CDC42BPA: variants seen among roughly 807,000 people sequenced by gnomAD.
The protein encoded by CDC42BPA is CDC42 binding protein kinase alpha.
CDC42BPA carries 80 observed loss-of-function variants against 223.5 expected under a neutral mutation model. The ratio of observed to expected loss-of-function variants is 0.36; its 90% CI spans 0.30 to 0.43. The LOEUF (loss-of-function observed/expected upper bound fraction) is 0.43. Ranked by LOEUF, CDC42BPA falls within the 20% of genes least tolerant of loss-of-function variation. The probability of loss-of-function intolerance (pLI) is 1.00; values close to 1 mark genes in which losing one functional copy is unlikely to be tolerated. For missense variants in CDC42BPA, 1,743 were observed against 2,099.9 expected, an observed-to-expected ratio of 0.83 and a Z score of 3.32; for synonymous variants, 694 against 718.6, an observed-to-expected ratio of 0.97 and a Z score of 0.55.
At chr1:227,190,876 T>C (rs1669590493) in intron 5 of CDC42BPA, among the ~76,000 whole-genome samples, 2 of 151,888 alleles carry the variant, frequency 1.3e-5, no homozygotes, top group African/African-American at 4.8e-5. Flanking sequence ...GGGCAGAGTG[T>C]GTGGTGGGGG....
At chr1:227,053,770 A>G (rs527860564) in intron 21 of CDC42BPA, among the ~76,000 whole-genome samples, 450 of 152,306 alleles carry the variant, frequency 3.0e-3, no homozygotes, top group Admixed American at 5.0e-3. Context: ...CTCAAGACAC[A>G]TTTTGGCCCA....
At chr1:227,012,326 T>C (rs1175900605) in intron 34 of CDC42BPA, among the ~76,000 whole-genome samples, 2 of 152,166 alleles carry the variant, frequency 1.3e-5, no homozygotes, top group African/African-American at 2.4e-5. Context: ...CGGTAAATTA[T>C]TTTAAAAATT....
intron 5 of CDC42BPA, among the ~76,000 whole-genome samples, chr1:227,180,076 C>T (rs1667683547): frequency 6.6e-6 from 1 of 151,920 alleles, no homozygotes; most frequent in Non-Finnish European, 1.5e-5. Context: ...CATGGTGGCA[C>T]AAACCTGTAA....
chr1:227,183,340 AC>A (rs1174331363), intron 5 of CDC42BPA: 1 of 151,224 alleles, frequency 6.6e-6, no homozygotes. Context: ...ATTTCTACTT[AC>A]TCCCCCATTC....
At chr1:227,227,459 A>T (rs761787971) in intron 2 of CDC42BPA, among the ~76,000 whole-genome samples, 1 of 152,226 alleles carries the variant, frequency 6.6e-6, no homozygotes, top group Non-Finnish European at 1.5e-5. Context: ...TGAAAAAACA[A>T]AAACTTCAAC....
chr1:227,078,010 C>T (rs1405613958), intron 17 of CDC42BPA, among the ~76,000 whole-genome samples: 1 of 152,084 alleles, frequency 6.6e-6, no homozygotes, highest in Non-Finnish European at 1.5e-5. Context: ...TAATTAACAC[C>T]ATTACCTTTG....
At chr1:227,242,436 A>G (rs1484191925) in intron 2 of CDC42BPA, among the ~76,000 whole-genome samples, 5 of 152,116 alleles carry the variant, frequency 3.3e-5, no homozygotes, top group Non-Finnish European at 5.9e-5. Flanking sequence ...AAAAAGAAAT[A>G]AAAGGAATAA....
At chr1:227,152,326 T>A (rs746838383) in intron 6 of CDC42BPA, among the ~76,000 whole-genome samples, 24 of 152,202 alleles carry the variant, frequency 1.6e-4, no homozygotes, top group Non-Finnish European at 2.8e-4. Context: ...GTATCCCTTC[T>A]ATTTTTTTTC....
rs1668769042 is a variant in CDC42BPA at position 227,029,070 on chromosome 1, G to A, written c.4019C>T (p.Thr1340Ile). 1 of 1,613,922 alleles carries A rather than the reference G, an allele frequency of 6.2e-7. No individual in the cohort carries two copies. Among genetic ancestry groups the A allele is most frequent in the Admixed American group, 1.7e-5 (1 of 60,004 alleles). The change falls in exon 30 of 37, where the codon ACT becomes ATT. Residue 1340 changes from threonine (T) to isoleucine (I), a missense_variant. By Grantham distance (89) the Thr-to-Ile change is moderately conservative. Transcript: ENST00000366766. Reference sequence around the variant, plus strand: ...AGCTCCATGGCGCACCTTTCCAGAAGTTACGGTTTGACACCCTTTAGTTTC... The same window carrying A: ...AGCTCCATGGCGCACCTTTCCAGAAATTACGGTTTGACACCCTTTAGTTTC... ...LSETKGCQTV[T>I]SGKVRHGALT...
chr1:227,086,074 A>T (rs1170706979), intron 16 of CDC42BPA, among the ~76,000 whole-genome samples: 1 of 152,192 alleles, frequency 6.6e-6, no homozygotes, highest in Non-Finnish European at 1.5e-5. Context: ...TCTATCAATG[A>T]AATAACAGAA....
intron 16 of CDC42BPA, among the ~76,000 whole-genome samples, chr1:227,085,182 A>G (rs1245743608): frequency 6.6e-6 from 1 of 151,536 alleles, no homozygotes; most frequent in African/African-American, 2.4e-5. Context: ...ACATACATAT[A>G]CCACCTCCCA....
chr1:227,074,009 T>C lies in CDC42BPA; in HGVS notation c.2590A>G (p.Met864Val). The C allele has an allele frequency of 1.2e-6, 2 of 1,609,736 alleles. No homozygotes were observed. ...GCAAAACGACGCATTTTCCAGGGCA[T>C]ATCCTATGAAATAATGACTGTGTTT... ...NSSLGTRATD[M>V]PWKMRRFAKL... is the part of the protein sequence containing the mutation. The change falls in exon 19 of 37, where the codon ATG becomes GTG. Residue 864 changes from methionine to valine, a missense_variant. Coordinates refer to ENST00000366766, the MANE Select transcript of CDC42BPA (RefSeq NM_001394014.1).
chr1:227,112,354 C>G lies in CDC42BPA; in HGVS notation c.1959G>C (p.Glu653Asp). The G allele has an allele frequency of 6.2e-7, 1 of 1,608,020 alleles. No individual in the cohort carries two copies. The highest frequency in any genetic ancestry group is 8.5e-7 in the Non-Finnish European group (1 of 1,177,226). The change falls in exon 14 of 37, where the codon GAG becomes GAC. Residue 653 changes from glutamate to aspartate, a missense_variant. By Grantham distance (45) the Glu-to-Asp change is conservative. This residue lies in a region of CDC42BPA where 464 missense variants were observed against 488.0 expected (regional missense o/e 0.95). Transcript: ENST00000366766. Reference protein sequence around the residue: ...SKDRKLREQSEHYSKQLENEL... With the variant: ...SKDRKLREQSDHYSKQLENEL... ...CATTTTCCAGTTGCTTAGAATAGTG[C>G]TCACTCTGTTCACGTAGCTTCCTGT... is the stretch of plus-strand genomic sequence containing the variant.
rs2149039845 is a variant in CDC42BPA, at chr1:227,069,563, TA to T, written c.2904+213del. 3 of 365,582 alleles carry T rather than the reference TA, an allele frequency of 8.2e-6. No individual in the cohort carries two copies. The East Asian group carries it at 1.3e-4, about 15-fold the overall frequency. 22.6% of individuals were successfully genotyped at this position (365,582 alleles called of 1,614,324 possible). A position where few individuals can be genotyped will look rare whatever the true frequency, so the allele number is the denominator to read the frequency against. On this transcript the variant is annotated intron_variant, in intron 21 of 36. Transcript: ENST00000366766. ...TAAATCTTATAATGACTCTCATGATTAAATCTTTCTTAGATGTTTTGTTAAA... is the reference window on the plus strand; with the variant it reads ...TAAATCTTATAATGACTCTCATGATTAATCTTTCTTAGATGTTTTGTTAAA...
At chr1:227,083,643 C>T (rs988938216) in intron 16 of CDC42BPA, among the ~76,000 whole-genome samples, 1 of 152,082 alleles carries the variant, frequency 6.6e-6, no homozygotes, top group Non-Finnish European at 1.5e-5. Flanking sequence ...TGCCACATAT[C>T]GTGTATACAA....
intron 5 of CDC42BPA, among the ~76,000 whole-genome samples, chr1:227,173,497 G>A (rs1170742576): frequency 6.6e-6 from 1 of 152,130 alleles, no homozygotes; most frequent in Non-Finnish European, 1.5e-5. Flanking sequence ...GAAAGGACTG[G>A]AGACTAAAGC....
Position 227,030,480 on chromosome 1 carries a change from AC to A in CDC42BPA, c.3776-11del, listed in dbSNP as rs1669079493. ...GCAATTCTTTCATGATCTATGTAAG[AC>A]ATGAATGTGAAAGATTTTTATTAGG... On this transcript the variant is annotated splice_polypyrimidine_tract_variant and intron_variant, in intron 28 of 36. Transcript: ENST00000366766. 1 of 1,541,880 alleles carries A rather than the reference AC, an allele frequency of 6.5e-7. No individual in the cohort carries two copies. Among genetic ancestry groups the A allele is most frequent in the East Asian group, 2.3e-5 (1 of 42,886 alleles).
intron 2 of CDC42BPA, among the ~76,000 whole-genome samples, chr1:227,244,494 T>TAG (rs1553414382): frequency 6.7e-6 from 1 of 149,690 alleles, no homozygotes; most frequent in African/African-American, 2.5e-5. Flanking sequence ...ATTCACATGG[T>TAG]GGGGGGGGGC....
chr1:227,084,798 G>A (rs1681486584), intron 16 of CDC42BPA, among the ~76,000 whole-genome samples: 1 of 152,112 alleles, frequency 6.6e-6, no homozygotes, highest in Non-Finnish European at 1.5e-5. Flanking sequence ...AAGGTGCCTA[G>A]ACATTGGGTC....
Sources: gnomAD v4.1 joint callset for allele counts (sites outside exome capture counted in the v4.1 genomes callset) on GRCh38, gnomAD v4.1.1 for gene constraint, gnomAD v4.1.1 regional missense constraint, MANE v1.5 for transcripts, NCBI Gene and HGNC (gene_info 2026-07-23, HGNC 2026-07-21) for gene names.